The following INO80D variants were observed in gnomAD, a reference collection of about 807,000 sequenced individuals.
The protein encoded by INO80D is INO80 complex subunit D.
A neutral mutation model predicts 87.6 loss-of-function variants in INO80D; 21 were observed. That is an observed-to-expected ratio of 0.24 (90% CI 0.17 to 0.35). The LOEUF is 0.35. INO80D is among the 10% of genes least tolerant of loss of function. The pLI, the probability that INO80D is intolerant of heterozygous loss-of-function variation, is 1.00. For synonymous variants in INO80D, 440 were observed against 491.0 expected, an observed-to-expected ratio of 0.90 and a Z score of 1.37; for missense variants, 982 against 1,280.7, an observed-to-expected ratio of 0.77 and a Z score of 3.56.
chr2:206,084,989 C>A lies in INO80D; in HGVS notation c.-124+912G>T, dbSNP rs372459920. 1.1e-4 allele frequency among the ~76,000 whole-genome samples: 17 copies of A among 152,254 alleles called. No individual in the cohort carries two copies. In the East Asian group the frequency reaches 1.9e-3, roughly 17 times the overall value. On this transcript the variant is annotated intron_variant, in intron 1 of 10. Transcript: ENST00000403263. ...GGGAAGGGGCTGGAGTTAGCAGCCC[C>A]GAATGGGCTCGCGGGGAGTTGGGTG...
rs534582174 is a variant in INO80D at position 206,049,670 on chromosome 2, T to C, written c.965-3058A>G. 4.6e-5 allele frequency among the ~76,000 whole-genome samples: 7 copies of C among 152,312 alleles called. 1 individual carries two copies. The highest frequency in any genetic ancestry group is 1.3e-4 in the Admixed American group (2 of 15,294). On this transcript the variant is annotated intron_variant, in intron 4 of 10. Coordinates refer to ENST00000403263, the MANE Select transcript of INO80D (RefSeq NM_017759.5). Reference sequence around the variant, plus strand: ...GACATAACTAGCCCAGACAGGACTATAAAGGCTAATAATAAGACTGAGTTT... The same window carrying C: ...GACATAACTAGCCCAGACAGGACTACAAAGGCTAATAATAAGACTGAGTTT...
intron 1 of INO80D, among the ~76,000 whole-genome samples, chr2:206,066,628 A>C (rs1020090225): frequency 2.6e-5 from 4 of 152,018 alleles, no homozygotes; most frequent in African/African-American, 9.7e-5. Flanking sequence ...CAACATGGCA[A>C]AACCCTTCTC....
chr2:206,059,043 A>G (rs1187535057), intron 3 of INO80D, among the ~76,000 whole-genome samples: 1 of 150,804 alleles, frequency 6.6e-6, no homozygotes, highest in Non-Finnish European at 1.5e-5. Flanking sequence ...TGAGCAACAT[A>G]GCAAGACCCT....
intron 5 of INO80D, chr2:206,040,526 A>T: frequency 4.4e-6 from 1 of 227,526 alleles, no homozygotes. Flanking sequence ...AACATTAATG[A>T]TGGCACCTCA....
chr2:206,069,436 T>C (rs961082701), intron 1 of INO80D, among the ~76,000 whole-genome samples: 10 of 152,218 alleles, frequency 6.6e-5, no homozygotes, highest in Non-Finnish European at 1.2e-4. Flanking sequence ...GCTAGTTAAC[T>C]TTCTTGGGTA....
At chr2:206,043,445 C>T (rs550446067) in intron 5 of INO80D, among the ~76,000 whole-genome samples, 1 of 152,112 alleles carries the variant, frequency 6.6e-6, no homozygotes, top group South Asian at 2.1e-4. Context: ...GCTGGGATTA[C>T]AGGCGTGAAC....
chr2:206,056,140 C>G lies in INO80D; in HGVS notation c.964+58G>C. 2.7e-6 allele frequency: 4 copies of G among 1,493,666 alleles called. No homozygotes were observed. In the South Asian group the frequency reaches 5.4e-5, roughly 20 times the overall value. 92.5% of individuals were successfully genotyped at this position (1,493,666 alleles called of 1,614,324 possible). A position where few individuals can be genotyped will look rare whatever the true frequency, so the allele number is the denominator to read the frequency against. The stretch of plus-strand genomic sequence containing the variant: ...GTAATTATGAAAGGGAAGCTCCACA[C>G]AACCGAACACATTTTGTCATATTAT... On this transcript the variant is annotated intron_variant, in intron 4 of 10. Transcript: ENST00000403263.
chr2:206,083,230 T>A (rs942591985), intron 1 of INO80D, among the ~76,000 whole-genome samples: 1 of 152,212 alleles, frequency 6.6e-6, no homozygotes, highest in African/African-American at 2.4e-5. Context: ...GTACAAAACT[T>A]TTTTGGTATT....
chr2:206,033,025 T>C (rs936193906), intron 5 of INO80D, among the ~76,000 whole-genome samples: 4 of 152,198 alleles, frequency 2.6e-5, no homozygotes, highest in African/African-American at 9.7e-5. Flanking sequence ...ATGCTCCACT[T>C]AAAAGATACA....
intron 6 of INO80D, chr2:206,025,542 A>AAAAAAAAAAATATATATATATAT (rs71301548): frequency 1.3e-5 from 1 of 76,936 alleles, no homozygotes; most frequent in African/African-American, 4.4e-5. Context: ...AAAAAAAAAA[A>AAAAAAAAAAATATATATATATAT]ATATATATAT....
At chr2:206,030,173 T>C (rs1321346541) in intron 5 of INO80D, among the ~76,000 whole-genome samples, 2 of 152,206 alleles carry the variant, frequency 1.3e-5, no homozygotes, top group East Asian at 1.9e-4. Flanking sequence ...TGAAGTTCAC[T>C]GGAAAGACAG....
intron 1 of INO80D, among the ~76,000 whole-genome samples, chr2:206,072,505 T>C (rs1690001392): frequency 6.6e-6 from 1 of 152,110 alleles, no homozygotes; most frequent in South Asian, 2.1e-4. Flanking sequence ...CTCGAATTCC[T>C]GTCCTCAGGT....
chr2:206,014,082 C>G (rs2105808893), intron 8 of INO80D, among the ~76,000 whole-genome samples: 1 of 149,636 alleles, frequency 6.7e-6, no homozygotes, highest in East Asian at 2.0e-4. Context: ...CACTTGAACC[C>G]AGGAGGCGGA....
chr2:206,079,273 A>G (rs1453016631), intron 1 of INO80D, among the ~76,000 whole-genome samples: 1 of 152,106 alleles, frequency 6.6e-6, no homozygotes, highest in Non-Finnish European at 1.5e-5. Flanking sequence ...GGGTTTCACC[A>G]CTTTGCCCAG....
Position 205,993,755 on chromosome 2 carries a change from G to C in INO80D, c.*10613C>G, listed in dbSNP as rs1687757518. ...GCAAGATTTATTAATACATCCAAAA[G>C]AAAGAAAGAAAAATGATTTTGTCAC... On this transcript the variant is annotated 3_prime_UTR_variant, in exon 11 of 11. Transcript: ENST00000403263. 1 of 151,892 alleles carries C rather than the reference G, an allele frequency of 6.6e-6. No individual in the cohort carries two copies. Among genetic ancestry groups the C allele is most frequent in the Admixed American group, 6.6e-5 (1 of 15,266 alleles). 9.4% of individuals were successfully genotyped at this position (151,892 alleles called of 1,614,324 possible).
At chr2:206,032,727 T>C (rs1286699711) in intron 5 of INO80D, among the ~76,000 whole-genome samples, 1 of 152,102 alleles carries the variant, frequency 6.6e-6, no homozygotes, top group Non-Finnish European at 1.5e-5. Flanking sequence ...CTAAGCATCA[T>C]ATATGAAGGA....
At chr2:206,081,287 T>C (rs940680598) in intron 1 of INO80D, among the ~76,000 whole-genome samples, 1 of 152,148 alleles carries the variant, frequency 6.6e-6, no homozygotes, top group Non-Finnish European at 1.5e-5. Flanking sequence ...TGCATACACA[T>C]AAAGAGAAAA....
chr2:206,072,599 A>G (rs1190765403), intron 1 of INO80D, among the ~76,000 whole-genome samples: 1 of 151,956 alleles, frequency 6.6e-6, no homozygotes, highest in Non-Finnish European at 1.5e-5. Flanking sequence ...TTTTGATTAC[A>G]AGGTTACAGT....
At chr2:206,042,882 G>A (rs55811735) in intron 5 of INO80D, among the ~76,000 whole-genome samples, 42,402 of 151,950 alleles carry the variant, frequency 0.28, 6,481 homozygotes, top group Admixed American at 0.36. Flanking sequence ...TGAGGCAGGA[G>A]GATCACTTGA....
Sources: gnomAD v4.1 joint callset for allele counts (sites outside exome capture counted in the v4.1 genomes callset) on GRCh38, gnomAD v4.1.1 for gene constraint, MANE v1.5 for transcripts, NCBI Gene and HGNC (gene_info 2026-07-23, HGNC 2026-07-21) for gene names.